The following RBMS1 variants were observed in gnomAD, a reference collection of about 807,000 sequenced individuals.
RBMS1 encodes the protein RNA binding motif single stranded interacting protein 1.
In RBMS1, 17 loss-of-function variants were observed where a neutral mutation model predicts 62.3. That is an observed-to-expected ratio of 0.27 (90% CI 0.19 to 0.41). RBMS1 has a LOEUF of 0.41. RBMS1 is among the 10% of genes least tolerant of loss of function. RBMS1 has a pLI of 1.00. For synonymous variants in RBMS1, 172 were observed against 170.0 expected, an observed-to-expected ratio of 1.01 and a Z score of -0.09; for missense variants, 334 against 504.5, an observed-to-expected ratio of 0.66 and a Z score of 3.24.
intron 1 of RBMS1, among the ~76,000 whole-genome samples, chr2:160,402,264 G>C (rs911087803): frequency 6.6e-6 from 1 of 152,208 alleles, no homozygotes; most frequent in African/African-American, 2.4e-5. Context: ...CAATTAGGTA[G>C]AGTGCAGGCG....
Position 160,436,197 on chromosome 2 carries a change from C to G in RBMS1, c.75+57092G>C, listed in dbSNP as rs544704038. On this transcript the variant is annotated intron_variant, in intron 1 of 13. Transcript: ENST00000348849. The stretch of plus-strand genomic sequence containing the variant: ...TCGTCTCTGCTCGAATTTGGGCTGG[C>G]ATGGTGAGTGGCTTTGACCAATAAT... 5.3e-5 allele frequency among the ~76,000 whole-genome samples: 8 copies of G among 152,322 alleles called. No individual in the cohort carries two copies. In the East Asian group the frequency reaches 1.5e-3, roughly 29 times the overall value.
At chr2:160,396,349 A>C (rs1320119118) in intron 1 of RBMS1, among the ~76,000 whole-genome samples, 1 of 152,126 alleles carries the variant, frequency 6.6e-6, no homozygotes, top group Admixed American at 6.5e-5. Flanking sequence ...TAATTTATAC[A>C]AGAACTTCAT....
intron 2 of RBMS1, among the ~76,000 whole-genome samples, chr2:160,333,015 A>C (rs566134938): frequency 9.2e-5 from 14 of 152,142 alleles, no homozygotes; most frequent in African/African-American, 3.1e-4. Flanking sequence ...ACTATTTTAT[A>C]CTTTAAAGAG....
At chr2:160,283,582 A>C (rs1243921917) in intron 9 of RBMS1, 1 of 152,224 alleles carries the variant, frequency 6.6e-6, no homozygotes. Context: ...TAGCGTATCT[A>C]ATCACTTCTG....
chr2:160,464,496 T>C (rs1275823696), intron 1 of RBMS1, among the ~76,000 whole-genome samples: 1 of 152,174 alleles, frequency 6.6e-6, no homozygotes, highest in Non-Finnish European at 1.5e-5. Flanking sequence ...TTGAAATTCA[T>C]GGTGAGAGGT....
chr2:160,452,632 T>C (rs1684040652), intron 1 of RBMS1, among the ~76,000 whole-genome samples: 1 of 152,230 alleles, frequency 6.6e-6, no homozygotes, highest in African/African-American at 2.4e-5. Context: ...TTCCAAGGTG[T>C]GCACTTTTAC....
chr2:160,356,690 C>T (rs1010998045), intron 2 of RBMS1, among the ~76,000 whole-genome samples: 2 of 152,160 alleles, frequency 1.3e-5, no homozygotes, highest in Non-Finnish European at 2.9e-5. Context: ...ATGCCAACAT[C>T]ATGCTCTTGG....
chr2:160,416,309 C>T (rs941009827), intron 1 of RBMS1: 7 of 151,938 alleles, frequency 4.6e-5, no homozygotes, highest in Non-Finnish European at 8.8e-5. Flanking sequence ...CTTCCTTCAC[C>T]TCCCAATCTA....
intron 2 of RBMS1, among the ~76,000 whole-genome samples, chr2:160,337,118 GTTTTTC>G (rs1039722866): frequency 2.0e-5 from 3 of 148,788 alleles, no homozygotes; most frequent in African/African-American, 4.9e-5. Flanking sequence ...TTTTCTTTTC[GTTTTTC>G]TTTTTCTTTT....
intron 1 of RBMS1, among the ~76,000 whole-genome samples, chr2:160,415,361 G>A (rs148828563): frequency 4.6e-5 from 7 of 152,174 alleles, no homozygotes; most frequent in African/African-American, 1.7e-4. Context: ...CTATGTATGT[G>A]AGCAAACTGT....
intron 2 of RBMS1, among the ~76,000 whole-genome samples, chr2:160,330,795 C>T (rs1231581339): frequency 6.6e-6 from 1 of 152,000 alleles, no homozygotes; most frequent in African/African-American, 2.4e-5. Context: ...ACTGTGTTCC[C>T]CCAAAAGATA....
chr2:160,428,189 T>C (rs1006414701), intron 1 of RBMS1, among the ~76,000 whole-genome samples: 3 of 152,118 alleles, frequency 2.0e-5, no homozygotes, highest in Admixed American at 6.6e-5. Flanking sequence ...TCTCCTTAAA[T>C]TTCACTCTCT....
chr2:160,336,505 T>C (rs908086256), intron 2 of RBMS1, among the ~76,000 whole-genome samples: 1 of 152,118 alleles, frequency 6.6e-6, no homozygotes, highest in African/African-American at 2.4e-5. Context: ...TTGAAATACC[T>C]AGATCAGTGC....
chr2:160,300,694 A>G lies in RBMS1; in HGVS notation c.597T>C (p.Gly199=). 6.2e-7 allele frequency: 1 copy of G among 1,602,822 alleles called. No homozygotes were observed. The highest frequency in any genetic ancestry group is 8.5e-7 in the Non-Finnish European group (1 of 1,175,762). The stretch of plus-strand genomic sequence containing the variant: ...TCTTAATAAATTTTCCATTAAAATG[A>G]CCAATAACAGCTTCACATTTTTCTG... ...ESTEKCEAVI[G]HFNGKFIKTP... The change falls in exon 6 of 14, where the codon GGT becomes GGC. Residue 199 remains glycine, a synonymous_variant. Transcript: ENST00000348849.
intron 1 of RBMS1, among the ~76,000 whole-genome samples, chr2:160,426,233 G>GA (rs1260558983): frequency 9.8e-6 from 1 of 101,584 alleles, no homozygotes; most frequent in Non-Finnish European, 2.0e-5. Flanking sequence ...AAGAAAGAAA[G>GA]AAAGAAAGAA....
chr2:160,282,221 G>A, intron 9 of RBMS1: 1 of 1,362,652 alleles, frequency 7.3e-7, no homozygotes, highest in South Asian at 1.1e-5. Context: ...GAGGATATGG[G>A]GAAGAGTCAT....
At chr2:160,359,479 G>T (rs1307340620) in intron 2 of RBMS1, among the ~76,000 whole-genome samples, 1 of 152,148 alleles carries the variant, frequency 6.6e-6, no homozygotes, top group Non-Finnish European at 1.5e-5. Flanking sequence ...TTAAAAGTGA[G>T]AACTGAGTCC....
intron 13 of RBMS1, chr2:160,275,314 A>T (rs73969138): frequency 0.046 from 8,001 of 175,604 alleles, 251 homozygotes; most frequent in African/African-American, 0.089. Flanking sequence ...TTAAAGTAAT[A>T]TGATATAGGA....
In RBMS1 at chr2:160,404,678, T is replaced by G. The variant is rs191921904; in HGVS notation, c.76-37287A>C. Among the ~76,000 whole-genome samples, 10 of 152,314 alleles carry G rather than the reference T, an allele frequency of 6.6e-5. No individual in the cohort carries two copies. In the East Asian group the frequency reaches 1.9e-3, roughly 29 times the overall value. On this transcript the variant is annotated intron_variant, in intron 1 of 13. Coordinates refer to ENST00000348849, the MANE Select transcript of RBMS1 (RefSeq NM_016836.4). ...GAGAGATGACTGTATATGTAAAATG[T>G]AGAAAGCTTTAAGAGTTGTACAATC... is the stretch of plus-strand genomic sequence containing the variant.
Sources: gnomAD v4.1 joint callset for allele counts (sites outside exome capture counted in the v4.1 genomes callset) on GRCh38, gnomAD v4.1.1 for gene constraint, MANE v1.5 for transcripts, NCBI Gene and HGNC (gene_info 2026-07-23, HGNC 2026-07-21) for gene names.